The following NALF1 variants were observed in gnomAD, a reference collection of about 807,000 sequenced individuals.
NALF1 encodes the protein family with sequence similarity 155 member A.
A neutral mutation model predicts 48.4 loss-of-function variants in NALF1; 3 were observed. That is an observed-to-expected ratio of 0.06 (90% confidence interval 0.03 to 0.16). NALF1 has a LOEUF of 0.16. Among genes scored for constraint, NALF1 ranks in the 10% least tolerant of loss-of-function variants. The probability of loss-of-function intolerance (pLI) is 1.00; values close to 1 mark genes in which losing one functional copy is unlikely to be tolerated. For missense variants in NALF1, 526 were observed against 571.5 expected (o/e 0.92, Z 0.81); for synonymous variants, 262 against 245.7 (o/e 1.07, Z -0.62).
At chr13:107,698,223 T>TAATA (rs1314196371) in intron 1 of NALF1, among the ~76,000 whole-genome samples, 3 of 152,314 alleles carry the variant, frequency 2.0e-5, no homozygotes, top group African/African-American at 7.2e-5. Context: ...CAAATAAAAG[T>TAATA]AATATAGTCA....
At chr13:107,521,703 A>G (rs1166108981) in intron 1 of NALF1, among the ~76,000 whole-genome samples, 2 of 152,142 alleles carry the variant, frequency 1.3e-5, no homozygotes, top group South Asian at 2.1e-4. Context: ...TCAGCTGGTT[A>G]GTGGGTGGCT....
At chr13:107,209,324 C>T (rs568096085) in intron 2 of NALF1, among the ~76,000 whole-genome samples, 18 of 152,134 alleles carry the variant, frequency 1.2e-4, no homozygotes, top group Non-Finnish European at 2.4e-4. Flanking sequence ...CTGGCCAACA[C>T]GGTGAAACAC....
At chr13:107,359,675 A>G (rs539610220) in intron 1 of NALF1, among the ~76,000 whole-genome samples, 1 of 151,264 alleles carries the variant, frequency 6.6e-6, no homozygotes, top group African/African-American at 2.4e-5. Flanking sequence ...TAGTTTAGGA[A>G]CCAAATAAAA....
intron 1 of NALF1, among the ~76,000 whole-genome samples, chr13:107,363,255 C>T (rs1883096961): frequency 6.6e-6 from 1 of 152,088 alleles, no homozygotes; most frequent in Non-Finnish European, 1.5e-5. Flanking sequence ...TGTGTTGATT[C>T]TTGATGAGGT....
At chr13:107,328,996 T>C (rs529100764) in intron 1 of NALF1, among the ~76,000 whole-genome samples, 94 of 152,298 alleles carry the variant, frequency 6.2e-4, no homozygotes, top group African/African-American at 2.2e-3. Flanking sequence ...TCTTAGATTA[T>C]ATCATGAGGA....
intron 1 of NALF1, among the ~76,000 whole-genome samples, chr13:107,721,371 A>G (rs561998819): frequency 2.0e-5 from 3 of 152,186 alleles, no homozygotes; most frequent in Non-Finnish European, 4.4e-5. Context: ...CTTCCAGAAC[A>G]CAACTGTTGC....
At chr13:107,364,226 A>C (rs1883113189) in intron 1 of NALF1, among the ~76,000 whole-genome samples, 1 of 152,232 alleles carries the variant, frequency 6.6e-6, no homozygotes, top group African/African-American at 2.4e-5. Flanking sequence ...TAATTTTGAT[A>C]AATGGATCTA....
At chr13:107,346,578 CAT>C (rs1447331597) in intron 1 of NALF1, among the ~76,000 whole-genome samples, 1 of 152,104 alleles carries the variant, frequency 6.6e-6, no homozygotes, top group African/African-American at 2.4e-5. Context: ...TAATCAAACT[CAT>C]AGAAAGTAGA....
chr13:107,709,034 A>AT (rs1875490734), intron 1 of NALF1, among the ~76,000 whole-genome samples: 1 of 152,242 alleles, frequency 6.6e-6, no homozygotes, highest in Non-Finnish European at 1.5e-5. Context: ...AACCACAACG[A>AT]TAACAACAGC....
At chr13:107,483,988 G>A (rs1290386301) in intron 1 of NALF1, among the ~76,000 whole-genome samples, 1 of 151,818 alleles carries the variant, frequency 6.6e-6, no homozygotes, top group African/African-American at 2.4e-5. Flanking sequence ...TAATTTTCAC[G>A]ATTTTGAAGA....
intron 1 of NALF1, among the ~76,000 whole-genome samples, chr13:107,857,092 A>G (rs1305462708): frequency 1.3e-5 from 2 of 152,194 alleles, no homozygotes; most frequent in African/African-American, 2.4e-5. Context: ...TGTCTTCTCT[A>G]TCTCAGGGTA....
At chr13:107,249,044 A>G (rs1880641985) in intron 1 of NALF1, among the ~76,000 whole-genome samples, 1 of 151,936 alleles carries the variant, frequency 6.6e-6, no homozygotes, top group Non-Finnish European at 1.5e-5. Context: ...ATGACATGGG[A>G]CAAGTTGAAA....
chr13:107,263,807 T>C (rs1313499630), intron 1 of NALF1, among the ~76,000 whole-genome samples: 4 of 152,186 alleles, frequency 2.6e-5, no homozygotes, highest in Non-Finnish European at 4.4e-5. Flanking sequence ...CAATGGTCTG[T>C]ACAACCCATC....
At chr13:107,763,409 T>C (rs1313785405) in intron 1 of NALF1, among the ~76,000 whole-genome samples, 1 of 151,438 alleles carries the variant, frequency 6.6e-6, no homozygotes, top group Non-Finnish European at 1.5e-5. Context: ...AAATCACTAG[T>C]TCTCAAATGA....
intron 1 of NALF1, among the ~76,000 whole-genome samples, chr13:107,243,412 G>C (rs1229814180): frequency 5.3e-5 from 8 of 152,168 alleles, no homozygotes; most frequent in Admixed American, 5.2e-4. Flanking sequence ...ATTGTTCCCT[G>C]GCACAGCTGC....
chr13:107,420,906 T>C (rs768919799), intron 1 of NALF1, among the ~76,000 whole-genome samples: 20 of 152,186 alleles, frequency 1.3e-4, no homozygotes, highest in South Asian at 2.1e-4. Context: ...TTGCTTTTCA[T>C]GTTTCTCGTA....
intron 1 of NALF1, among the ~76,000 whole-genome samples, chr13:107,463,166 T>A (rs1454413563): frequency 1.3e-5 from 2 of 152,250 alleles, no homozygotes; most frequent in Non-Finnish European, 2.9e-5. Context: ...TGATTTTATA[T>A]AAATTATTTT....
At chr13:107,724,597 T>C (rs527709994) in intron 1 of NALF1, among the ~76,000 whole-genome samples, 3 of 141,208 alleles carry the variant, frequency 2.1e-5, no homozygotes, top group African/African-American at 7.6e-5. Flanking sequence ...GGTCTCACTC[T>C]GTAGTCCAGG....
intron 1 of NALF1, among the ~76,000 whole-genome samples, chr13:107,571,193 TC>T (rs555461181): frequency 1.9e-3 from 294 of 152,278 alleles, no homozygotes; most frequent in Middle Eastern, 0.014. Flanking sequence ...GAGAGAAGTG[TC>T]TTTTTTTAAT....
Sources: allele counts gnomAD v4.1 joint callset (sites outside exome capture counted in the v4.1 genomes callset), GRCh38; gene constraint gnomAD v4.1.1; transcripts MANE v1.5; gene names NCBI Gene and HGNC (gene_info 2026-07-23, HGNC 2026-07-21).